ARSG: variants seen among roughly 807,000 people sequenced by gnomAD.
The protein encoded by ARSG is arylsulfatase G, also known as ASG.
A neutral mutation model predicts 50.5 loss-of-function variants in ARSG; 37 were observed. The observed-to-expected ratio is 0.73, with a 90% CI of 0.56 to 0.96. The LOEUF (loss-of-function observed/expected upper bound fraction) is 0.96, where lower values mean the gene tolerates loss of function less well. Ranked by LOEUF, ARSG falls within the 50% of genes least tolerant of loss-of-function variation. ARSG has a pLI of 0.00. For missense variants in ARSG, 629 were observed against 675.3 expected (o/e 0.93, Z 0.76); for synonymous variants, 225 against 254.6 (o/e 0.88, Z 1.11).
chr17:68,267,279 C>T (rs1270674800), intron 1 of ARSG: 3 of 152,096 alleles, frequency 2.0e-5, no homozygotes, highest in African/African-American at 4.8e-5. Flanking sequence ...TCGTAAAGTG[C>T]TGAAGTCATG....
intron 2 of ARSG, among the ~76,000 whole-genome samples, chr17:68,315,638 AG>A (rs1271735707): frequency 6.6e-6 from 1 of 151,774 alleles, no homozygotes; most frequent in Non-Finnish European, 1.5e-5. Flanking sequence ...GATTGTATTT[AG>A]TTATTTATTT....
chr17:68,374,673 G>A (rs2099015197), intron 8 of ARSG, among the ~76,000 whole-genome samples: 1 of 151,960 alleles, frequency 6.6e-6, no homozygotes. Flanking sequence ...CCAACATGGT[G>A]AAACCCCGTC....
At chr17:68,259,840 A>G (rs73998064) in intron 1 of ARSG, among the ~76,000 whole-genome samples, 43,847 of 152,004 alleles carry the variant, frequency 0.29, 6,973 homozygotes, top group African/African-American at 0.42. Flanking sequence ...ACCAGTACCC[A>G]ACTCTAGTGT....
At chr17:68,424,589 C>T (rs777983706), downstream of ARSG, 3 of 493,950 alleles carry the variant, frequency 6.1e-6, no homozygotes, top group Non-Finnish European at 1.2e-5. Context: ...CCAAACACTA[C>T]TTCCGGCCGG....
Position 68,388,922 on chromosome 17 carries a change from C to CAA in ARSG, c.1091+3772_1091+3773dup, listed in dbSNP as rs35105754. Among the ~76,000 whole-genome samples the CAA allele has an allele frequency of 7.0e-3, 752 of 107,844 alleles. 11 individuals are homozygous for CAA. Among genetic ancestry groups the CAA allele is most frequent in the African/African-American group, 0.025 (696 of 28,124 alleles). The allele number at this position is 107,844 out of a possible 152,430, so 70.7% of individuals were successfully genotyped here. On this transcript the variant is annotated intron_variant, in intron 9 of 11. Transcript: ENST00000621439. ...CCTGGGCGACAGTGAGACTCTGTCT[C>CAA]AAAAAAAAAAAAAAAAAAAAAAAGA...
rs2079675776 is a variant in ARSG, at chr17:68,368,764, C to A, written c.901+20C>A. ...TTACAGGTAAAGTAGTAAAAGCCAG[C>A]CAGCCTAACTGCCATTTAATAGACA... On this transcript the variant is annotated intron_variant, in intron 7 of 11. Transcript: ENST00000621439. 16 of 1,608,430 alleles carry A rather than the reference C, an allele frequency of 9.9e-6. No homozygotes were observed. Among genetic ancestry groups the A allele is most frequent in the Non-Finnish European group, 1.4e-5 (16 of 1,178,138 alleles).
At chr17:68,391,039 G>A (rs11654993) in intron 9 of ARSG, among the ~76,000 whole-genome samples, 24,727 of 151,628 alleles carry the variant, frequency 0.16, 3,947 homozygotes, top group African/African-American at 0.39. Flanking sequence ...AACAGGGGAA[G>A]CTTTGAAGTA....
chr17:68,419,440 G>A (rs1455585070), intron 11 of ARSG, among the ~76,000 whole-genome samples: 1 of 152,122 alleles, frequency 6.6e-6, no homozygotes, highest in Non-Finnish European at 1.5e-5. Context: ...GCCGAGCGTG[G>A]TGGCAGGTGC....
intron 8 of ARSG, among the ~76,000 whole-genome samples, chr17:68,380,090 C>T (rs1000279177): frequency 3.3e-5 from 5 of 152,140 alleles, no homozygotes; most frequent in African/African-American, 7.2e-5. Flanking sequence ...GCCTACTCAA[C>T]GTGAAGACAA....
chr17:68,339,845 A>G (rs2078189106), intron 2 of ARSG, among the ~76,000 whole-genome samples: 1 of 152,196 alleles, frequency 6.6e-6, no homozygotes, highest in South Asian at 2.1e-4. Context: ...TAATCATTTT[A>G]TAAGGTGGGG....
At chr17:68,330,209 CA>C (rs553349680) in intron 2 of ARSG, among the ~76,000 whole-genome samples, 102 of 129,794 alleles carry the variant, frequency 7.9e-4, no homozygotes, top group East Asian at 1.1e-3. Context: ...GGCTCCATCT[CA>C]AAAAAAAAAA....
intron 9 of ARSG, among the ~76,000 whole-genome samples, chr17:68,388,046 T>C (rs527745930): frequency 2.0e-5 from 3 of 152,168 alleles, no homozygotes; most frequent in East Asian, 3.9e-4. Context: ...ATGGGGAAAA[T>C]GCATTTATTC....
At chr17:68,402,804 C>T (rs547377269) in intron 11 of ARSG, among the ~76,000 whole-genome samples, 5 of 152,360 alleles carry the variant, frequency 3.3e-5, no homozygotes, top group South Asian at 2.1e-4. Context: ...GGATTACAGG[C>T]ATGAGCCACC....
intron 11 of ARSG, among the ~76,000 whole-genome samples, chr17:68,409,742 T>A (rs2081918102): frequency 6.6e-6 from 1 of 150,910 alleles, no homozygotes; most frequent in Admixed American, 6.6e-5. Context: ...TATTGATTCT[T>A]CCTACCCATG....
chr17:68,347,027 C>T (rs2078539834), intron 3 of ARSG, 98 bp from the exon 4 acceptor site: 10 of 1,571,828 alleles, frequency 6.4e-6, no homozygotes, highest in Admixed American at 3.4e-5. Context: ...CAGTGCGAGG[C>T]GAAGCTAATG....
intron 1 of ARSG, among the ~76,000 whole-genome samples, chr17:68,301,519 C>T (rs1190074965): frequency 6.6e-6 from 1 of 152,208 alleles, no homozygotes; most frequent in Admixed American, 6.5e-5. Flanking sequence ...TTTTGCTTGT[C>T]TCGCTCTAGC....
intron 6 of ARSG, among the ~76,000 whole-genome samples, chr17:68,360,186 T>G (rs2079217054): frequency 6.6e-6 from 1 of 152,246 alleles, no homozygotes; most frequent in Admixed American, 6.5e-5. Context: ...ACAGTTTTGT[T>G]AATTCATTAG....
intron 1 of ARSG, among the ~76,000 whole-genome samples, chr17:68,279,332 G>A (rs539858634): frequency 4.0e-5 from 6 of 151,816 alleles, no homozygotes; most frequent in South Asian, 2.1e-4. Flanking sequence ...CTTCTTCCCC[G>A]CCATTTTCTA....
At chr17:68,394,990 C>T in intron 9 of ARSG, 83 bp from the exon 10 acceptor site, 4 of 1,581,464 alleles carry the variant, frequency 2.5e-6, no homozygotes, top group African/African-American at 1.3e-5. Context: ...TTGCTCTGGG[C>T]TGGTTCAGGT....
Sources: allele counts gnomAD v4.1 joint callset (sites outside exome capture counted in the v4.1 genomes callset), GRCh38; gene constraint gnomAD v4.1.1; transcripts MANE v1.5; gene names NCBI Gene and HGNC (gene_info 2026-07-23, HGNC 2026-07-21).